The following SCAPER variants were observed in gnomAD, a reference collection of about 807,000 sequenced individuals.
SCAPER encodes the protein S phase cyclin A-associated protein in the endoplasmic reticulum.
In SCAPER, 98 loss-of-function variants were observed where a neutral mutation model predicts 182.2. The ratio of observed to expected loss-of-function variants is 0.54; its 90% confidence interval spans 0.46 to 0.64. SCAPER has a LOEUF of 0.64. Ranked by LOEUF, SCAPER falls within the 30% of genes least tolerant of loss-of-function variation. The pLI is 0.00. For synonymous variants in SCAPER, 605 were observed against 564.6 expected (o/e 1.07, Z -1.01); for missense variants, 1,432 against 1,690.0 (o/e 0.85, Z 2.68).
At chr15:76,387,874 A>G (rs899785841) in intron 27 of SCAPER, among the ~76,000 whole-genome samples, 1 of 152,240 alleles carries the variant, frequency 6.6e-6, no homozygotes, top group Non-Finnish European at 1.5e-5. Context: ...GGAATGGAAT[A>G]CAGTTTGTCA....
chr15:76,792,583 A>C (rs1398778094), intron 8 of SCAPER, among the ~76,000 whole-genome samples: 2 of 152,226 alleles, frequency 1.3e-5, no homozygotes, highest in Admixed American at 1.3e-4. Flanking sequence ...AAGGACTTAG[A>C]AGCCTTGCAG....
intron 20 of SCAPER, among the ~76,000 whole-genome samples, chr15:76,671,276 T>C (rs2056995194): frequency 6.6e-6 from 1 of 152,012 alleles, no homozygotes; most frequent in Non-Finnish European, 1.5e-5. Context: ...GAGGCAACAG[T>C]GAGCCGTGAT....
At chr15:76,384,842 G>A (rs1219874841) in intron 27 of SCAPER, among the ~76,000 whole-genome samples, 1 of 152,166 alleles carries the variant, frequency 6.6e-6, no homozygotes, top group African/African-American at 2.4e-5. Flanking sequence ...ACAGGCCACT[G>A]GCTTCTGTTG....
intron 1 of SCAPER, among the ~76,000 whole-genome samples, chr15:76,887,862 C>A (rs1417065039): frequency 6.6e-6 from 1 of 152,224 alleles, no homozygotes; most frequent in Non-Finnish European, 1.5e-5. Context: ...CACATGGGTC[C>A]CTGACCCCCG....
chr15:76,889,243 T>G (rs1262080414), intron 1 of SCAPER, among the ~76,000 whole-genome samples: 1 of 152,188 alleles, frequency 6.6e-6, no homozygotes, highest in Non-Finnish European at 1.5e-5. Context: ...GTAAAGACCA[T>G]CGATGCTATG....
At chr15:76,731,241 T>C (rs542597199) in intron 16 of SCAPER, among the ~76,000 whole-genome samples, 7 of 152,144 alleles carry the variant, frequency 4.6e-5, no homozygotes, top group Non-Finnish European at 8.8e-5. Context: ...GAAGAACCTC[T>C]CAGACCCCTT....
intron 26 of SCAPER, among the ~76,000 whole-genome samples, chr15:76,426,664 C>T (rs1176744030): frequency 1.3e-5 from 2 of 151,308 alleles, no homozygotes; most frequent in Non-Finnish European, 2.9e-5. Context: ...AGATTTAATG[C>T]AATCTCTGTC....
At chr15:76,882,876 G>C (rs960880392) in intron 2 of SCAPER, among the ~76,000 whole-genome samples, 14 of 152,272 alleles carry the variant, frequency 9.2e-5, no homozygotes, top group Middle Eastern at 3.4e-3. Flanking sequence ...GTGTTAGCCA[G>C]GATGGTCTCG....
chr15:76,873,476 G>T (rs965044085), intron 2 of SCAPER, among the ~76,000 whole-genome samples: 1 of 152,078 alleles, frequency 6.6e-6, no homozygotes, highest in Non-Finnish European at 1.5e-5. Flanking sequence ...AGTATATATA[G>T]TGATACTTTT....
At chr15:76,758,751 A>C (rs2062596062) in intron 14 of SCAPER, among the ~76,000 whole-genome samples, 1 of 152,124 alleles carries the variant, frequency 6.6e-6, no homozygotes, top group South Asian at 2.1e-4. Flanking sequence ...TGCTGCTTTA[A>C]ATTTTCTTTC....
intron 17 of SCAPER, among the ~76,000 whole-genome samples, chr15:76,726,334 T>G (rs2060600087): frequency 6.7e-6 from 1 of 148,756 alleles, no homozygotes; most frequent in Non-Finnish European, 1.5e-5. Flanking sequence ...CTTCACACTC[T>G]TCAATAAGGC....
At chr15:76,591,127 A>G (rs2049071587) in intron 22 of SCAPER, among the ~76,000 whole-genome samples, 1 of 152,226 alleles carries the variant, frequency 6.6e-6, no homozygotes, top group South Asian at 2.1e-4. Context: ...CTACACCACT[A>G]TGAAATATAT....
intron 23 of SCAPER, among the ~76,000 whole-genome samples, chr15:76,516,491 G>C (rs1468455156): frequency 1.3e-5 from 2 of 148,414 alleles, no homozygotes; most frequent in Non-Finnish European, 3.0e-5. Context: ...GTGTTACTTT[G>C]CTGAGAATGA....
chr15:76,422,406 G>A (rs529238968), intron 26 of SCAPER, among the ~76,000 whole-genome samples: 2 of 152,052 alleles, frequency 1.3e-5, no homozygotes, highest in African/African-American at 4.8e-5. Context: ...TCACTCATGA[G>A]TTGGCTCTCT....
chr15:76,793,440 T>C (rs2065126670), intron 8 of SCAPER: 2 of 541,114 alleles, frequency 3.7e-6, no homozygotes, highest in South Asian at 5.8e-5. Context: ...CAGCCCCAAC[T>C]CCTCAGCCTT....
intron 25 of SCAPER, among the ~76,000 whole-genome samples, chr15:76,445,759 T>C (rs1480984892): frequency 1.3e-5 from 2 of 152,142 alleles, no homozygotes; most frequent in African/African-American, 2.4e-5. Flanking sequence ...AGAATCTCAC[T>C]ATCTCTCAGT....
intron 14 of SCAPER, among the ~76,000 whole-genome samples, chr15:76,760,442 T>G (rs947875904): frequency 6.6e-6 from 1 of 152,220 alleles, no homozygotes; most frequent in African/African-American, 2.4e-5. Flanking sequence ...GAAACTTACA[T>G]GCCCTCTCCA....
At chr15:76,355,010 T>C (rs1450845698) in intron 29 of SCAPER, among the ~76,000 whole-genome samples, 1 of 152,242 alleles carries the variant, frequency 6.6e-6, no homozygotes, top group Non-Finnish European at 1.5e-5. Flanking sequence ...TTGGGAACAC[T>C]GTAAACCTAA....
intron 8 of SCAPER, among the ~76,000 whole-genome samples, chr15:76,792,915 T>G (rs182454947): frequency 4.6e-5 from 7 of 152,336 alleles, no homozygotes; most frequent in Admixed American, 4.6e-4. Context: ...TACATAGAAA[T>G]AGATATTGGG....
Sources: allele counts gnomAD v4.1 joint callset (sites outside exome capture counted in the v4.1 genomes callset), GRCh38; gene constraint gnomAD v4.1.1; transcripts MANE v1.5; gene names NCBI Gene and HGNC (gene_info 2026-07-23, HGNC 2026-07-21).